The following TSC1 variants were observed in gnomAD, a reference collection of about 807,000 sequenced individuals.
TSC1 encodes the protein hamartin.
In TSC1, 20 loss-of-function variants were observed where a neutral mutation model predicts 124.3. The observed-to-expected ratio is 0.16, with a 90% CI of 0.11 to 0.23. TSC1 has a LOEUF of 0.23. Among genes scored for constraint, TSC1 ranks in the 10% least tolerant of loss-of-function variants. The pLI is 1.00. For missense variants in TSC1, 1,124 were observed against 1,448.5 expected (o/e 0.78, Z 3.64); for synonymous variants, 493 against 539.1 (o/e 0.91, Z 1.19).
intron 2 of TSC1, 82 bp from the exon 3 acceptor site, chr9:132,929,034 T>C: frequency 7.9e-7 from 1 of 1,260,376 alleles, no homozygotes; most frequent in Non-Finnish European, 1.1e-6. Context: ...GACAAACTAA[T>C]GCACGTGTTC....
chr9:132,915,785 A>AAAAG (rs1437470690), intron 8 of TSC1, among the ~76,000 whole-genome samples: 1 of 152,222 alleles, frequency 6.6e-6, no homozygotes, highest in Non-Finnish European at 1.5e-5. Flanking sequence ...TTAAATACAG[A>AAAAG]AAAGAAAGTG....
intron 8 of TSC1, among the ~76,000 whole-genome samples, chr9:132,919,656 C>T (rs1035226967): frequency 6.6e-6 from 1 of 152,112 alleles, no homozygotes; most frequent in African/African-American, 2.4e-5. Flanking sequence ...CAAGAGTAAA[C>T]CAAGAAAGAA....
Position 132,902,369 on chromosome 9 carries a change from A to G in TSC1, c.2391+236T>C, listed in dbSNP as rs183711144. ...GTTAACTGTTTCCTTTTGGCTGCAG[A>G]AAAAAAAATGACTGAGACACTAAGG... On this transcript the variant is annotated intron_variant, in intron 18 of 22. Transcript: ENST00000298552. This position sits in a 1 kb window ranked among gnomAD's most constrained non-coding sequence, Gnocchi z 5.2. Among the ~76,000 whole-genome samples the G allele has an allele frequency of 2.6e-5, 4 of 151,634 alleles. No homozygotes were observed. The highest frequency in any genetic ancestry group is 1.9e-4 in the East Asian group (1 of 5,176).
At chr9:132,925,565 C>A (rs1846805043) in intron 5 of TSC1, 22 bp downstream of exon 5, 1 of 1,613,908 alleles carries the variant, frequency 6.2e-7, no homozygotes, top group South Asian at 1.1e-5. Context: ...CCATTTCATT[C>A]AAATCCTTAC....
At chr9:132,907,217 G>A (rs921461753) in intron 13 of TSC1, 84 bp downstream of exon 13, 1 of 1,197,264 alleles carries the variant, frequency 8.4e-7, no homozygotes, top group Non-Finnish European at 1.2e-6. Flanking sequence ...GAATTTCCTT[G>A]TTTCCATTTA....
chr9:132,937,321 T>C (rs957410696), intron 1 of TSC1, among the ~76,000 whole-genome samples: 5 of 152,168 alleles, frequency 3.3e-5, no homozygotes. Flanking sequence ...CACATGCCTG[T>C]AATCCCAGCT....
In TSC1 at chr9:132,905,784, G is replaced by T. The variant is rs766438395; in HGVS notation, c.1794C>A (p.Ser598Arg). ...IPPPTRVGFG[S>R]GQPPPYDHLF... ...GATGATCATACGGGGGAGGCTGCCCGCTTCCAAAGCCCACTCTCGTCGGAG... is the reference window on the plus strand; with the variant it reads ...GATGATCATACGGGGGAGGCTGCCCTCTTCCAAAGCCCACTCTCGTCGGAG... The change falls in exon 15 of 23, where the codon AGC becomes AGA. Residue 598 changes from serine to arginine, a missense_variant. Physicochemically the swap from Ser to Arg is moderately radical, Grantham distance 110 (BLOSUM62 -1). Transcript: ENST00000298552. 1.2e-6 allele frequency: 2 copies of T among 1,614,184 alleles called. No homozygotes were observed. Among genetic ancestry groups the T allele is most frequent in the Non-Finnish European group, 1.7e-6 (2 of 1,180,036 alleles).
rs1459098612 is a variant in TSC1, at chr9:132,925,754, G to C, written c.211-15C>G. 14 of 1,614,002 alleles carry C rather than the reference G, an allele frequency of 8.7e-6. No individual in the cohort carries two copies. The Middle Eastern group carries it at 8.2e-4, about 95-fold the overall frequency. On this transcript the variant is annotated splice_polypyrimidine_tract_variant and intron_variant, in intron 4 of 22. Transcript: ENST00000298552. ...TCCAAGAGGTGCTGAAAATGTAAAA[G>C]AACAAGGGCAGTCCTCACATGAATG...
rs2132145794 is a variant in TSC1, at chr9:132,921,756, G to A, written c.663+63C>T. 1 of 1,596,584 alleles carries A rather than the reference G, an allele frequency of 6.3e-7. No individual in the cohort carries two copies. On this transcript the variant is annotated intron_variant, in intron 7 of 22. Transcript: ENST00000298552. The surrounding 1 kb of genome is among the most constrained non-coding windows in gnomAD (Gnocchi z 4.3). ...CCCTGTCTGCCGTTAAATACAAAAG[G>A]TATAAATGCAGCCTATCTAAACAGT... is the stretch of plus-strand genomic sequence containing the variant.
intron 8 of TSC1, among the ~76,000 whole-genome samples, chr9:132,913,260 G>A (rs778830311): frequency 1.3e-5 from 2 of 152,064 alleles, no homozygotes; most frequent in South Asian, 2.1e-4. Flanking sequence ...TTAAATCAAC[G>A]TGTTAGTATG....
chr9:132,940,560 A>G (rs977976192), intron 1 of TSC1, among the ~76,000 whole-genome samples: 12 of 152,206 alleles, frequency 7.9e-5, no homozygotes, highest in African/African-American at 2.9e-4. Flanking sequence ...GTGGAAGACT[A>G]AATGTTTGGG....
intron 2 of TSC1, among the ~76,000 whole-genome samples, chr9:132,930,358 G>A: frequency 6.6e-6 from 1 of 152,152 alleles, no homozygotes; most frequent in Non-Finnish European, 1.5e-5. Context: ...GGAGGCCGAG[G>A]CAGGCAGATC....
rs183582535 is a variant in TSC1 at position 132,907,807 on chromosome 9, C to A, written c.1264-437G>T. 4.1e-3 allele frequency among the ~76,000 whole-genome samples: 630 copies of A among 151,898 alleles called. 4 individuals are homozygous for A. The highest frequency in any genetic ancestry group is 0.014 in the African/African-American group (594 of 41,470). ...TATAGTCTTAAAAAATGGCTGCAGA[C>A]TGGGCGTGGTGGCCCACGCCTGTAG... On this transcript the variant is annotated intron_variant, in intron 12 of 22. Transcript: ENST00000298552.
chr9:132,901,715 T>C lies in TSC1; in HGVS notation c.2392-16A>G, dbSNP rs758374143. The C allele has an allele frequency of 2.0e-5, 32 of 1,612,956 alleles. No individual in the cohort carries two copies. In the Middle Eastern group the frequency reaches 1.2e-3, roughly 58 times the overall value. Reference sequence around the variant, plus strand: ...CCAGCTTCGTCTGCCCAAAGAGACGTGGACATGAAGTTTGAGGAACACCAA... The same window carrying C: ...CCAGCTTCGTCTGCCCAAAGAGACGCGGACATGAAGTTTGAGGAACACCAA... On this transcript the variant is annotated splice_polypyrimidine_tract_variant and intron_variant, in intron 18 of 22. Coordinates refer to ENST00000298552, the MANE Select transcript of TSC1 (RefSeq NM_000368.5).
At chr9:132,908,826 T>G (rs1438433257) in intron 12 of TSC1, among the ~76,000 whole-genome samples, 1 of 151,954 alleles carries the variant, frequency 6.6e-6, no homozygotes, top group African/African-American at 2.4e-5. Flanking sequence ...TGTTAGTTTC[T>G]TAAAGTTACA....
intron 22 of TSC1, 72 bp downstream of exon 22, chr9:132,897,112 C>G (rs1295411508): frequency 6.2e-7 from 1 of 1,608,072 alleles, no homozygotes; most frequent in African/African-American, 1.3e-5. Context: ...GCTTCCCACA[C>G]CACGTGACAC....
rs112314368 is a variant in TSC1 at position 132,894,093 on chromosome 9, A to G, written c.*2142T>C. On this transcript the variant is annotated 3_prime_UTR_variant, in exon 23 of 23. Coordinates refer to ENST00000298552, the MANE Select transcript of TSC1 (RefSeq NM_000368.5). ...AGCCACATTTGTTATAAAGCTGAGT[A>G]AAAGGACACCCAGGCCGCATGGATG... The G allele has an allele frequency of 9.0e-4, 211 of 233,586 alleles. No homozygotes were observed. The highest frequency in any genetic ancestry group is 4.3e-3 in the African/African-American group (197 of 45,480). 14.5% of individuals were successfully genotyped at this position (233,586 alleles called of 1,614,324 possible).
At chr9:132,917,393 C>A (rs11243934) in intron 8 of TSC1, among the ~76,000 whole-genome samples, 2 of 151,966 alleles carry the variant, frequency 1.3e-5, no homozygotes, top group African/African-American at 2.4e-5. Flanking sequence ...TGCAGTAGCA[C>A]GATCTCGGCT....
At chr9:132,925,854 G>T in intron 4 of TSC1, 115 bp from the exon 5 acceptor site, 2 of 1,346,774 alleles carry the variant, frequency 1.5e-6, no homozygotes, top group South Asian at 2.5e-5. Flanking sequence ...GTAAAGCAAG[G>T]GTCATGCAGA....
Sources: allele counts gnomAD v4.1 joint callset (sites outside exome capture counted in the v4.1 genomes callset), GRCh38; gene constraint gnomAD v4.1.1; non-coding constraint Gnocchi (gnomAD v3.1); transcripts MANE v1.5; gene names NCBI Gene and HGNC (gene_info 2026-07-23, HGNC 2026-07-21).